GALNTL6: variants seen among roughly 807,000 people sequenced by gnomAD.
GALNTL6 encodes the protein polypeptide N-acetylgalactosaminyltransferase-like 6.
In GALNTL6, 46 loss-of-function variants were observed where a neutral mutation model predicts 73.7. The ratio of observed to expected loss-of-function variants is 0.62; its 90% CI spans 0.49 to 0.80. The LOEUF is 0.80. Among genes scored for constraint, GALNTL6 ranks in the 30% least tolerant of loss-of-function variants. The probability of loss-of-function intolerance (pLI) is 0.00; values close to 1 mark genes in which losing one functional copy is unlikely to be tolerated. For missense variants in GALNTL6, 604 were observed against 755.0 expected (o/e 0.80, Z 2.34); for synonymous variants, 259 against 263.7 (o/e 0.98, Z 0.17).
At chr4:171,883,184 C>G (rs1347383996) in intron 2 of GALNTL6, among the ~76,000 whole-genome samples, 1 of 151,898 alleles carries the variant, frequency 6.6e-6, no homozygotes, top group Non-Finnish European at 1.5e-5. Flanking sequence ...AACCTCGTCT[C>G]TACTAAAAAT....
intron 5 of GALNTL6, among the ~76,000 whole-genome samples, chr4:172,800,645 A>G (rs1386518744): frequency 6.6e-6 from 1 of 152,150 alleles, no homozygotes; most frequent in African/African-American, 2.4e-5. Flanking sequence ...TTTGCAATAC[A>G]TAGAAAGTTT....
At chr4:172,262,451 CTT>C (rs887663834) in intron 3 of GALNTL6, among the ~76,000 whole-genome samples, 3 of 151,490 alleles carry the variant, frequency 2.0e-5, no homozygotes, top group African/African-American at 7.3e-5. Flanking sequence ...CTCCTACTCA[CTT>C]TTGGTTTCTA....
intron 2 of GALNTL6, among the ~76,000 whole-genome samples, chr4:171,831,890 G>T (rs1262982794): frequency 6.6e-6 from 1 of 151,406 alleles, no homozygotes; most frequent in Non-Finnish European, 1.5e-5. Context: ...AAAATATGTG[G>T]ATACACTTTT....
chr4:173,033,626 TC>T (rs1456685202), intron 12 of GALNTL6, among the ~76,000 whole-genome samples: 1 of 152,120 alleles, frequency 6.6e-6, no homozygotes, highest in Non-Finnish European at 1.5e-5. Flanking sequence ...CCCACTCCCC[TC>T]CTGCCCACTC....
rs1738873467 is a variant in GALNTL6, at chr4:172,619,510, C to T, written c.554-189851C>T. Among the ~76,000 whole-genome samples the T allele has an allele frequency of 2.0e-5, 3 of 152,284 alleles. No homozygotes were observed. In the South Asian group the frequency reaches 6.2e-4, roughly 32 times the overall value. On this transcript the variant is annotated intron_variant, in intron 5 of 12. Transcript: ENST00000506823. ...TTAGTCACTTTTTCAGAACAACAAA[C>T]TAATTTTATGTTTTTGCAGTATGCC... is the stretch of plus-strand genomic sequence containing the variant.
At chr4:172,740,674 C>T (rs1221585871) in intron 5 of GALNTL6, among the ~76,000 whole-genome samples, 2 of 152,112 alleles carry the variant, frequency 1.3e-5, no homozygotes, top group Admixed American at 1.3e-4. Context: ...CTACTTAATA[C>T]TACATGGTGT....
rs565221200 is a variant in GALNTL6, at chr4:172,388,432, A to G, written c.553+39743A>G. 1.1e-4 allele frequency among the ~76,000 whole-genome samples: 17 copies of G among 152,282 alleles called. No homozygotes were observed. The East Asian group carries it at 2.7e-3, about 24-fold the overall frequency. ...TTTTAGTGTAAGATAAAGTTTACAT[A>G]TATGCCACAGAAAGTATTTTTGTGG... On this transcript the variant is annotated intron_variant, in intron 5 of 12. Transcript: ENST00000506823.
chr4:172,302,337 C>G (rs545176637), intron 3 of GALNTL6, among the ~76,000 whole-genome samples: 1 of 152,238 alleles, frequency 6.6e-6, no homozygotes, highest in South Asian at 2.1e-4. Context: ...AATGCCTCAC[C>G]CTGCTTTGGC....
chr4:173,013,366 C>T (rs1309271965), intron 11 of GALNTL6, among the ~76,000 whole-genome samples: 1 of 152,162 alleles, frequency 6.6e-6, no homozygotes, highest in African/African-American at 2.4e-5. Flanking sequence ...AAGAAACACA[C>T]ATGGCCAGCT....
At chr4:172,502,268 G>C (rs2110779472) in intron 5 of GALNTL6, among the ~76,000 whole-genome samples, 1 of 152,256 alleles carries the variant, frequency 6.6e-6, no homozygotes, top group South Asian at 2.1e-4. Context: ...ATTTCATTCT[G>C]ATGTGCCTTT....
chr4:172,583,159 C>G (rs1360016173), intron 5 of GALNTL6, among the ~76,000 whole-genome samples: 1 of 152,140 alleles, frequency 6.6e-6, no homozygotes, highest in Admixed American at 6.5e-5. Flanking sequence ...CACAAACACA[C>G]TCACACACAT....
At chr4:171,860,007 C>T (rs918171642) in intron 2 of GALNTL6, among the ~76,000 whole-genome samples, 3 of 152,200 alleles carry the variant, frequency 2.0e-5, no homozygotes, top group African/African-American at 7.2e-5. Context: ...GGCCAAAATT[C>T]AGTCCTGAAG....
At chr4:172,411,508 G>A (rs1052221749) in intron 5 of GALNTL6, among the ~76,000 whole-genome samples, 2 of 151,986 alleles carry the variant, frequency 1.3e-5, no homozygotes, top group Admixed American at 6.6e-5. Context: ...ACCTGAAAGA[G>A]GCTTTCAGTG....
intron 5 of GALNTL6, among the ~76,000 whole-genome samples, chr4:172,373,167 C>G (rs1455429981): frequency 1.3e-5 from 2 of 152,182 alleles, no homozygotes; most frequent in Non-Finnish European, 2.9e-5. Context: ...GAGGGCTATC[C>G]CTAAACCCTT....
At chr4:172,994,174 G>C (rs1272432926) in intron 10 of GALNTL6, among the ~76,000 whole-genome samples, 1 of 152,210 alleles carries the variant, frequency 6.6e-6, no homozygotes, top group Non-Finnish European at 1.5e-5. Context: ...TGTTGTATAA[G>C]ATGGTGCCCT....
chr4:171,820,026 C>T (rs1734641143), intron 2 of GALNTL6, among the ~76,000 whole-genome samples: 1 of 152,110 alleles, frequency 6.6e-6, no homozygotes, highest in South Asian at 2.1e-4. Flanking sequence ...CACTGTACAG[C>T]TAATGATTTC....
chr4:171,873,921 A>C (rs985650402), intron 2 of GALNTL6, among the ~76,000 whole-genome samples: 1 of 152,116 alleles, frequency 6.6e-6, no homozygotes, highest in Non-Finnish European at 1.5e-5. Context: ...AAAATCTTTC[A>C]ATTTGAGGGA....
At chr4:172,544,918 A>G (rs1469716786) in intron 5 of GALNTL6, among the ~76,000 whole-genome samples, 1 of 152,114 alleles carries the variant, frequency 6.6e-6, no homozygotes, top group East Asian at 1.9e-4. Context: ...TCAGATTTTG[A>G]TTTATGTTTA....
At chr4:172,364,187 C>T (rs974609958) in intron 5 of GALNTL6, among the ~76,000 whole-genome samples, 2 of 152,136 alleles carry the variant, frequency 1.3e-5, no homozygotes, top group African/African-American at 4.8e-5. Context: ...TGTGGGGAGC[C>T]AAAGGCAGGA....
Sources: allele counts gnomAD v4.1 joint callset (sites outside exome capture counted in the v4.1 genomes callset), GRCh38; gene constraint gnomAD v4.1.1; transcripts MANE v1.5; gene names NCBI Gene and HGNC (gene_info 2026-07-23, HGNC 2026-07-21).